Variants in SGCD observed in about 807,000 individuals in gnomAD.
The protein encoded by SGCD is delta-sarcoglycan.
Under a neutral mutation model 36.6 loss-of-function variants are expected in SGCD, and 18 were observed. The observed-to-expected ratio is 0.49, with a 90% CI of 0.34 to 0.73. The LOEUF (loss-of-function observed/expected upper bound fraction) is 0.73, where lower values mean the gene tolerates loss of function less well. SGCD is among the 30% of genes least tolerant of loss of function. SGCD has a pLI of 0.01. For missense variants in SGCD, 387 were observed against 346.7 expected (o/e 1.12, Z -0.92); for synonymous variants, 133 against 130.6 (o/e 1.02, Z -0.12).
In SGCD at chr5:156,504,620, C is replaced by A. The variant is rs542145714; in HGVS notation, c.193-3981C>A. On this transcript the variant is annotated intron_variant, in intron 3 of 8. Coordinates refer to ENST00000337851, the MANE Select transcript of SGCD (RefSeq NM_000337.6). The stretch of plus-strand genomic sequence containing the variant: ...CAACTTTACATAGTTTTTATTTTTT[C>A]TCTTATTAACTGACATGGTGACGAA... Among the ~76,000 whole-genome samples, 5 of 151,968 alleles carry A rather than the reference C, an allele frequency of 3.3e-5. No homozygotes were observed. The South Asian group carries it at 1.0e-3, about 32-fold the overall frequency.
At chr5:156,085,339 G>C (rs1363698900) in intron 1 of SGCD, among the ~76,000 whole-genome samples, 1 of 152,122 alleles carries the variant, frequency 6.6e-6, no homozygotes. Context: ...ATCCCTCATG[G>C]CTAGGTGCTG....
intron 3 of SGCD, among the ~76,000 whole-genome samples, chr5:156,361,174 G>A (rs1053299303): frequency 9.2e-5 from 14 of 152,174 alleles, no homozygotes; most frequent in South Asian, 6.2e-4. Context: ...TTGTTCATGC[G>A]CTCCCTCCTG....
Position 156,544,616 on chromosome 5 carries a change from T to TA in SGCD, c.294+35928dup, listed in dbSNP as rs879600899. On this transcript the variant is annotated intron_variant, in intron 4 of 8. Transcript: ENST00000337851. ...GGTAGGGTTTTTTTAGAAGGCCAAT[T>TA]AAAAAAAAAAAAAACTCACACTAGA... 8.7e-3 allele frequency among the ~76,000 whole-genome samples: 1,198 copies of TA among 138,128 alleles called. 4 individuals are homozygous for TA. Among genetic ancestry groups the TA allele is most frequent in the African/African-American group, 0.016 (609 of 37,868 alleles). The allele number at this position is 138,128 out of a possible 152,430, so 90.6% of individuals were successfully genotyped here.
At chr5:156,657,231 CCT>C (rs577705618) in intron 7 of SGCD, among the ~76,000 whole-genome samples, 19 of 148,608 alleles carry the variant, frequency 1.3e-4, no homozygotes, top group African/African-American at 2.7e-4. Context: ...TTTTTTTTTT[CCT>C]CTCTCTTTTA....
intron 1 of SGCD, among the ~76,000 whole-genome samples, chr5:156,070,146 G>C (rs866972244): frequency 2.0e-5 from 3 of 148,920 alleles, no homozygotes; most frequent in Middle Eastern, 3.4e-3. Context: ...TCATTGCCCT[G>C]GCCAGAACTT....
the SGCD span, among the ~76,000 whole-genome samples, chr5:155,745,933 T>A: frequency 6.6e-6 from 1 of 152,180 alleles, no homozygotes; most frequent in African/African-American, 2.4e-5. Flanking sequence ...TCTTGTGAAA[T>A]AAAACATTGG....
rs187045625 is a variant in SGCD, at chr5:156,183,134, G to T, written c.-44+59115G>T. 3.2e-3 allele frequency among the ~76,000 whole-genome samples: 487 copies of T among 152,240 alleles called. 2 individuals carry two copies. The highest frequency in any genetic ancestry group is 5.1e-3 in the Non-Finnish European group (349 of 68,006). On this transcript the variant is annotated intron_variant, in intron 3 of 9. Transcript: ENST00000517913. ...ATCTCTACTAAAATTACAAAAATTGGCTGGGTGTGGTGCTGGAGAAAGATA... is the reference window on the plus strand; with the variant it reads ...ATCTCTACTAAAATTACAAAAATTGTCTGGGTGTGGTGCTGGAGAAAGATA...
chr5:155,862,645 T>C, the SGCD span, among the ~76,000 whole-genome samples: 1 of 152,186 alleles, frequency 6.6e-6, no homozygotes, highest in Non-Finnish European at 1.5e-5. Context: ...TTCACTTTAT[T>C]AACTAACTTT....
At chr5:156,360,198 G>T (rs1244855615) in intron 3 of SGCD, among the ~76,000 whole-genome samples, 1 of 151,560 alleles carries the variant, frequency 6.6e-6, no homozygotes, top group Non-Finnish European at 1.5e-5. Flanking sequence ...CTTTCCTCTG[G>T]TTGATCCCTA....
At position 155,885,055 on chromosome 5, in the gene SGCD, C is replaced by A. The variant is rs1217911905; in HGVS notation, c.-282+14631C>A. 2.6e-5 allele frequency among the ~76,000 whole-genome samples: 3 copies of A among 117,122 alleles called. 1 individual carries two copies. The highest frequency in any genetic ancestry group is 1.3e-4 in the African/African-American group (3 of 23,170). 76.8% of individuals were successfully genotyped at this position (117,122 alleles called of 152,430 possible). A position where few individuals can be genotyped will look rare whatever the true frequency, so the allele number is the denominator to read the frequency against. On this transcript the variant is annotated intron_variant, in intron 1 of 9. Transcript: ENST00000517913. The stretch of plus-strand genomic sequence containing the variant: ...TAAATGTATTTCATGAGTGAAAGAA[C>A]ATGTACTTATTTAATAAACAAGAAT...
the SGCD span, among the ~76,000 whole-genome samples, chr5:155,771,672 C>T: frequency 1.3e-5 from 2 of 152,048 alleles, no homozygotes; most frequent in African/African-American, 2.4e-5. Context: ...ATCCACCCGC[C>T]TTGGCCTCCC....
At chr5:156,435,245 C>A (rs999171284) in intron 3 of SGCD, among the ~76,000 whole-genome samples, 1 of 152,154 alleles carries the variant, frequency 6.6e-6, no homozygotes, top group African/African-American at 2.4e-5. Flanking sequence ...TTGCTCAGGG[C>A]TACACAGCTT....
intron 3 of SGCD, among the ~76,000 whole-genome samples, chr5:156,281,668 T>C (rs147209225): frequency 2.6e-5 from 4 of 152,228 alleles, no homozygotes; most frequent in African/African-American, 9.6e-5. Flanking sequence ...AAAAAATAGA[T>C]ATACAAAACA....
At chr5:156,188,675 CCG>C (rs1181136960) in intron 3 of SGCD, among the ~76,000 whole-genome samples, 13 of 128,944 alleles carry the variant, frequency 1.0e-4, no homozygotes, top group Non-Finnish European at 1.5e-4. Context: ...ACCGCCCCCC[CCG>C]ACACACATAC....
chr5:156,402,176 A>G (rs1447923992), intron 3 of SGCD, among the ~76,000 whole-genome samples: 4 of 152,238 alleles, frequency 2.6e-5, no homozygotes, highest in South Asian at 2.1e-4. Context: ...ATCAATGGAC[A>G]TTTAGCTGTT....
chr5:155,754,593 A>T, the SGCD span, among the ~76,000 whole-genome samples: 6 of 152,264 alleles, frequency 3.9e-5, no homozygotes, highest in Admixed American at 3.9e-4. Flanking sequence ...ATTACATTGT[A>T]TTGCACTGGT....
intron 4 of SGCD, among the ~76,000 whole-genome samples, chr5:156,546,222 T>C (rs1009111474): frequency 6.6e-6 from 1 of 152,192 alleles, no homozygotes; most frequent in Non-Finnish European, 1.5e-5. Flanking sequence ...TGAGACACTT[T>C]TGGAAAATTC....
upstream of SGCD, among the ~76,000 whole-genome samples, chr5:155,865,907 C>A (rs1231346556): frequency 6.6e-6 from 1 of 152,132 alleles, no homozygotes; most frequent in Non-Finnish European, 1.5e-5. Context: ...ATGACAGTTT[C>A]TCTTCTTTCA....
chr5:156,149,043 C>A (rs943983193), intron 3 of SGCD, among the ~76,000 whole-genome samples: 1 of 152,150 alleles, frequency 6.6e-6, no homozygotes, highest in Non-Finnish European at 1.5e-5. Context: ...TTCTCCAGTT[C>A]TTTAATGTTT....
Sources: allele counts gnomAD v4.1 joint callset (sites outside exome capture counted in the v4.1 genomes callset), GRCh38; gene constraint gnomAD v4.1.1; transcripts MANE v1.5; gene names NCBI Gene and HGNC (gene_info 2026-07-23, HGNC 2026-07-21).